AMOT: variants seen among roughly 807,000 people sequenced by gnomAD.
AMOT encodes angiomotin.
Under a neutral mutation model 67.0 loss-of-function variants are expected in AMOT, and 11 were observed. That is an observed-to-expected ratio of 0.16 (90% CI 0.10 to 0.27). The LOEUF is 0.27. AMOT is among the 10% of genes least tolerant of loss of function. The probability of loss-of-function intolerance (pLI) is 1.00; values close to 1 mark genes in which losing one functional copy is unlikely to be tolerated. For synonymous variants in AMOT, 326 were observed against 321.4 expected (o/e 1.01, Z -0.15); for missense variants, 753 against 852.0 (o/e 0.88, Z 1.45).
rs569305254 is a variant in AMOT at position 112,781,695 on chromosome X, G to C, written c.2241-577C>G. On this transcript the variant is annotated intron_variant, in intron 11 of 13. Transcript: ENST00000371959. ...CTTAGTAAGTCACAATAAAGTACCA[G>C]TGAAAAAAAAGGCTGAATATGAGAG... is the stretch of plus-strand genomic sequence containing the variant. 2.7e-5 allele frequency among the ~76,000 whole-genome samples: 3 copies of C among 110,538 alleles called. No homozygotes were observed. The South Asian group carries it at 1.2e-3, about 43-fold the overall frequency.
chrX:112,787,875 T>A (rs1933421547), intron 10 of AMOT, among the ~76,000 whole-genome samples: 1 of 112,233 alleles, frequency 8.9e-6, no homozygotes, highest in South Asian at 3.7e-4. Context: ...AATTGTTTCC[T>A]TCTTGCTTTC....
At position 112,779,647 on chromosome X, in the gene AMOT, T is replaced by G; in HGVS notation, c.2507A>C (p.Tyr836Ser). The change falls in exon 13 of 14, where the codon TAT becomes TCT. Residue 836 changes from tyrosine to serine, a missense_variant. This residue lies in a region of AMOT where 269 missense variants were observed against 300.9 expected (regional missense o/e 0.89). Coordinates refer to ENST00000371959, the MANE Select transcript of AMOT (RefSeq NM_001113490.2). ...CACAGGCGAGGGTGTGGAAGGGACA[T>G]ATTCAGCACGGTAGTCTCCACCCAG... ...ILLGGDYRAE[Y>S]VPSTPSPVPP... 8.3e-7 allele frequency: 1 copy of G among 1,207,576 alleles called. No individual in the cohort carries two copies. Among genetic ancestry groups the G allele is most frequent in the Non-Finnish European group, 1.1e-6 (1 of 892,964 alleles).
rs1934695427 is a variant in AMOT at position 112,820,887 on chromosome X, G to C, written c.872+1368C>G. Among the ~76,000 whole-genome samples the C allele has an allele frequency of 2.8e-5, 3 of 108,843 alleles. No homozygotes were observed. In the South Asian group the frequency reaches 1.2e-3, roughly 45 times the overall value. 94.5% of individuals were successfully genotyped at this position (108,843 alleles called of 115,157 possible). A position where few individuals can be genotyped will look rare whatever the true frequency, so the allele number is the denominator to read the frequency against. The stretch of plus-strand genomic sequence containing the variant: ...TTCCAAGACACTGATCAGAACATAG[G>C]CTCCTGCCCTTTGAAAGCTGCACAG... On this transcript the variant is annotated intron_variant, in intron 4 of 13. Coordinates refer to ENST00000371959, the MANE Select transcript of AMOT (RefSeq NM_001113490.2).
chrX:112,787,555 G>T (rs1056649550), intron 10 of AMOT, among the ~76,000 whole-genome samples: 1 of 111,924 alleles, frequency 8.9e-6, no homozygotes, highest in Non-Finnish European at 1.9e-5. Flanking sequence ...GAACACTTTA[G>T]AACAGGTCCT....
Position 112,777,033 on chromosome X carries a change from G to C in AMOT, c.*1534C>G, listed in dbSNP as rs1199401952. The C allele has an allele frequency of 9.0e-6, 1 of 111,366 alleles. No individual in the cohort carries two copies. Among genetic ancestry groups the C allele is most frequent in the Non-Finnish European group, 1.9e-5 (1 of 53,066 alleles). 9.2% of individuals were successfully genotyped at this position (111,366 alleles called of 1,213,427 possible). ...GAGGAGGTAGGGCTATATTGCTAAA[G>C]TTCTTTCCCACCACTATGGCTCATG... is the stretch of plus-strand genomic sequence containing the variant. On this transcript the variant is annotated 3_prime_UTR_variant, in exon 14 of 14. Coordinates refer to ENST00000371959, the MANE Select transcript of AMOT (RefSeq NM_001113490.2).
intron 9 of AMOT, among the ~76,000 whole-genome samples, chrX:112,791,462 T>A (rs752019927): frequency 8.9e-6 from 1 of 112,347 alleles, no homozygotes; most frequent in South Asian, 3.7e-4. Flanking sequence ...TTGATTTTCA[T>A]TCATCTAAAA....
rs1433040897 is a variant in AMOT, at chrX:112,776,921, G to A, written c.*1646C>T. The A allele has an allele frequency of 9.0e-6, 1 of 111,243 alleles. No individual in the cohort carries two copies. The highest frequency in any genetic ancestry group is 3.3e-5 in the African/African-American group (1 of 30,556). The allele number at this position is 111,243 out of a possible 1,213,427, so 9.2% of individuals were successfully genotyped here. A position where few individuals can be genotyped will look rare whatever the true frequency, so the allele number is the denominator to read the frequency against. On this transcript the variant is annotated 3_prime_UTR_variant, in exon 14 of 14. Coordinates refer to ENST00000371959, the MANE Select transcript of AMOT (RefSeq NM_001113490.2). Reference sequence around the variant, plus strand: ...ATAAAGAGTTTCCCAAAATAAGCATGGTGATTGGCATAATGGTTAGCTGTG... The same window carrying A: ...ATAAAGAGTTTCCCAAAATAAGCATAGTGATTGGCATAATGGTTAGCTGTG...
At chrX:112,823,637 G>A (rs1934769913) in intron 3 of AMOT, among the ~76,000 whole-genome samples, 1 of 111,959 alleles carries the variant, frequency 8.9e-6, no homozygotes, top group Non-Finnish European at 1.9e-5. Context: ...AGCATATGAA[G>A]GCAGCTACAA....
Position 112,780,936 on chromosome X carries a change from G to A in AMOT, c.2423C>T (p.Ser808Phe), listed in dbSNP as rs781600309. The A allele has an allele frequency of 1.7e-6, 2 of 1,210,088 alleles. No homozygotes were observed. The highest frequency in any genetic ancestry group is 2.2e-6 in the Non-Finnish European group (2 of 895,312). Reference sequence around the variant, plus strand: ...GTCTCGCTTTTCTTCCATGATGGGGGAGCCAGTCAGGGTGGATGAGTGGGA... The same window carrying A: ...GTCTCGCTTTTCTTCCATGATGGGGAAGCCAGTCAGGGTGGATGAGTGGGA... ...LLSHSSTLTGSPIMEEKRDDK... is the reference protein window; with the variant it reads ...LLSHSSTLTGFPIMEEKRDDK... The change falls in exon 12 of 14, where the codon TCC (serine) becomes TTC (phenylalanine). Residue 808 changes from serine (S) to phenylalanine (F), a missense_variant. Ser to Phe is a radical substitution (Grantham distance 155). Around this residue, in one of 5 missense-constraint regions of AMOT, gnomAD observed 269 missense variants for 300.9 expected, o/e 0.89. Coordinates refer to ENST00000371959, the MANE Select transcript of AMOT (RefSeq NM_001113490.2).
intron 1 of AMOT, among the ~76,000 whole-genome samples, chrX:112,833,637 G>A (rs962776105): frequency 1.8e-5 from 2 of 111,986 alleles, no homozygotes; most frequent in Non-Finnish European, 3.8e-5. Flanking sequence ...TAATAAAATG[G>A]TTTGTTGTCA....
chrX:112,838,748 T>C lies in AMOT; in HGVS notation c.-289+1704A>G, dbSNP rs141660161. Among the ~76,000 whole-genome samples, 34 of 112,608 alleles carry C rather than the reference T, an allele frequency of 3.0e-4. No individual in the cohort carries two copies. The East Asian group carries it at 8.6e-3, about 28-fold the overall frequency. On this transcript the variant is annotated intron_variant, in intron 1 of 13. Transcript: ENST00000371959. ...CATGTAAAAGTGACTCCACATACAA[T>C]TGTGGTCAGAGGTTTACTTCACATC...
chrX:112,822,835 G>A lies in AMOT; in HGVS notation c.292C>T (p.Pro98Ser), dbSNP rs1361719151. Reference protein sequence around the residue: ...ENLIMEKQLSPRMQNNEELPT... With the variant: ...ENLIMEKQLSSRMQNNEELPT... ...AGTTCTTCATTATTTTGCATTCGAG[G>A]AGACAGCTGCTTCTCCATGATGAGG... The change falls in exon 4 of 14, where the codon CCT (proline) becomes TCT (serine). Residue 98 changes from proline (P) to serine (S), a missense_variant. Transcript: ENST00000371959. 2.7e-5 allele frequency: 32 copies of A among 1,165,289 alleles called. No individual in the cohort carries two copies. The highest frequency in any genetic ancestry group is 5.4e-5 in the African/African-American group (3 of 55,271).
chrX:112,831,485 AAAT>A (rs1437455697), intron 2 of AMOT, among the ~76,000 whole-genome samples: 2 of 108,442 alleles, frequency 1.8e-5, no homozygotes, highest in East Asian at 2.8e-4. Flanking sequence ...ATAAATAAAT[AAAT>A]AAAAAGAGAG....
At chrX:112,782,467 G>T (rs1456406166) in intron 11 of AMOT, 73 bp downstream of exon 11, 7 of 1,181,940 alleles carry the variant, frequency 5.9e-6, no homozygotes, top group Non-Finnish European at 8.0e-6. Context: ...AGATTTCCTA[G>T]CTGTGAATAA....
At position 112,840,778 on chromosome X, in the gene AMOT, T is replaced by C. The variant is rs1038424398; in HGVS notation, c.-615A>G. On this transcript the variant is annotated 5_prime_UTR_variant, in exon 1 of 14. Coordinates refer to ENST00000371959, the MANE Select transcript of AMOT (RefSeq NM_001113490.2). The stretch of plus-strand genomic sequence containing the variant: ...CCAGTTTAGGCAGCCAGAAAGCTCC[T>C]CGGAAGGAAGGGGCGTGACTGCCAA... The C allele has an allele frequency of 8.9e-6, 1 of 112,596 alleles. No homozygotes were observed. The highest frequency in any genetic ancestry group is 9.3e-5 in the Admixed American group (1 of 10,744). The allele number at this position is 112,596 out of a possible 1,213,427, so 9.3% of individuals were successfully genotyped here.
At chrX:112,821,646 A>C (rs604591) in intron 4 of AMOT, among the ~76,000 whole-genome samples, 34,629 of 110,375 alleles carry the variant, frequency 0.31, 7,639 homozygotes, top group African/African-American at 0.79. Flanking sequence ...AATTCTCTAC[A>C]AAAAAAAGAT....
intron 7 of AMOT, 66 bp from the exon 8 acceptor site, chrX:112,805,158 T>C (rs983780901): frequency 1.2e-4 from 143 of 1,163,870 alleles, no homozygotes; most frequent in South Asian, 1.7e-4. Flanking sequence ...CTGAGCAAAA[T>C]TGACACATCA....
intron 8 of AMOT, among the ~76,000 whole-genome samples, chrX:112,792,496 T>G (rs945780128): frequency 8.9e-6 from 1 of 112,492 alleles, no homozygotes; most frequent in African/African-American, 3.2e-5. Flanking sequence ...GGTGATCAAC[T>G]GCTGAAGGTA....
At chrX:112,804,814 A>C in intron 8 of AMOT, 133 bp downstream of exon 8, 1 of 895,487 alleles carries the variant, frequency 1.1e-6, no homozygotes, top group Non-Finnish European at 1.6e-6. Context: ...GCACAGTGGA[A>C]ACTAGGAGCA....
Sources: gnomAD v4.1 joint callset for allele counts (sites outside exome capture counted in the v4.1 genomes callset) on GRCh38, gnomAD v4.1.1 for gene constraint, gnomAD v4.1.1 regional missense constraint, MANE v1.5 for transcripts, NCBI Gene and HGNC (gene_info 2026-07-23, HGNC 2026-07-21) for gene names.